TAF12: variants seen among roughly 807,000 people sequenced by gnomAD.
TAF12 encodes transcription initiation factor TFIID subunit 12.
Under a neutral mutation model 20.8 loss-of-function variants are expected in TAF12, and 3 were observed. The ratio of observed to expected loss-of-function variants is 0.14; its 90% confidence interval spans 0.07 to 0.37. The LOEUF is 0.37. Ranked by LOEUF, TAF12 falls within the 10% of genes least tolerant of loss-of-function variation. TAF12 has a pLI of 1.00. For missense variants in TAF12, 131 were observed against 197.9 expected (o/e 0.66, Z 2.03); for synonymous variants, 69 against 70.2 (o/e 0.98, Z 0.09).
At chr1:28,611,819 T>C (rs1347310905) in intron 4 of TAF12, among the ~76,000 whole-genome samples, 1 of 152,160 alleles carries the variant, frequency 6.6e-6, no homozygotes, top group Non-Finnish European at 1.5e-5. Flanking sequence ...CCTAGGAAAC[T>C]AGTATGCCTT....
At chr1:28,643,883 C>T (rs1668119544), upstream of TAF12, among the ~76,000 whole-genome samples, 1 of 152,008 alleles carries the variant, frequency 6.6e-6, no homozygotes, top group Non-Finnish European at 1.5e-5. Flanking sequence ...AACCCCGTCT[C>T]TACTAAAAAT....
chr1:28,645,185 G>A (rs1270890047), upstream of TAF12, among the ~76,000 whole-genome samples: 5 of 151,418 alleles, frequency 3.3e-5, no homozygotes, highest in Middle Eastern at 3.4e-3. Flanking sequence ...ACAGGCGCCC[G>A]CCACCGCGCC....
intron 4 of TAF12, among the ~76,000 whole-genome samples, chr1:28,608,762 A>G (rs1226114520): frequency 1.3e-5 from 2 of 151,724 alleles, no homozygotes; most frequent in African/African-American, 4.8e-5. Context: ...CTCAAAGTAA[A>G]TAAATAAATA....
upstream of TAF12, among the ~76,000 whole-genome samples, chr1:28,647,287 G>GT (rs920176326): frequency 3.0e-4 from 40 of 135,286 alleles, no homozygotes; most frequent in South Asian, 6.8e-4. Flanking sequence ...GTCACATATT[G>GT]TTTTTTTTTT....
At chr1:28,635,257 A>AAAC (rs1557473362) in intron 1 of TAF12, among the ~76,000 whole-genome samples, 2 of 147,016 alleles carry the variant, frequency 1.4e-5, no homozygotes, top group African/African-American at 5.1e-5. Context: ...AATAAAAAAA[A>AAAC]CCACATCTAT....
At chr1:28,627,211 A>AC (rs917749739) in intron 1 of TAF12, among the ~76,000 whole-genome samples, 11 of 151,382 alleles carry the variant, frequency 7.3e-5, no homozygotes, top group African/African-American at 2.4e-4. Context: ...ACATGGTGAA[A>AC]CCCCCATCTC....
intron 2 of TAF12, among the ~76,000 whole-genome samples, chr1:28,621,614 T>C (rs1667223894): frequency 6.6e-6 from 1 of 152,316 alleles, no homozygotes; most frequent in East Asian, 1.9e-4. Context: ...CACAACCACA[T>C]ACAATACAGT....
chr1:28,641,208 G>A (rs1000700119), intron 1 of TAF12, among the ~76,000 whole-genome samples: 9 of 152,038 alleles, frequency 5.9e-5, no homozygotes, highest in African/African-American at 2.2e-4. Context: ...TGGGCCGGGC[G>A]CAGTGGCTCA....
chr1:28,609,050 G>A, intron 4 of TAF12, among the ~76,000 whole-genome samples: 1 of 152,108 alleles, frequency 6.6e-6, no homozygotes, highest in Middle Eastern at 3.2e-3. Context: ...CGTTATGTGT[G>A]TATACATATA....
intron 1 of TAF12, chr1:28,624,070 T>C (rs1457281770): frequency 2.1e-6 from 2 of 960,434 alleles, no homozygotes; most frequent in East Asian, 1.2e-4. Flanking sequence ...ATCCTTGCCA[T>C]GGAACCATTT....
In TAF12 at chr1:28,625,652, C is replaced by T. The variant is rs1177050283; in HGVS notation, c.-84-3487G>A. Among the ~76,000 whole-genome samples, 3 of 151,710 alleles carry T rather than the reference C, an allele frequency of 2.0e-5. No individual in the cohort carries two copies. In the East Asian group the frequency reaches 5.8e-4, roughly 29 times the overall value. The stretch of plus-strand genomic sequence containing the variant: ...CGCCTCCTGGGTTCACGCCATTCTC[C>T]TGTCTCAGCCTCCCAAGTAGCTGGG... On this transcript the variant is annotated intron_variant, in intron 1 of 5. Transcript: ENST00000373824.
chr1:28,623,917 C>G, intron 1 of TAF12: 1 of 975,900 alleles, frequency 1.0e-6, no homozygotes. Flanking sequence ...TCACCAAGTT[C>G]TGCTCACAGT....
intron 3 of TAF12, 105 bp from the exon 4 acceptor site, chr1:28,613,466 T>C: frequency 1.1e-6 from 1 of 917,080 alleles, no homozygotes; most frequent in Non-Finnish European, 1.6e-6. Context: ...TCAGGCATTC[T>C]AGTAGAAGGC....
chr1:28,622,095 T>A lies in TAF12; in HGVS notation c.-14A>T. 1 of 1,608,868 alleles carries A rather than the reference T, an allele frequency of 6.2e-7. No homozygotes were observed. The highest frequency in any genetic ancestry group is 8.5e-7 in the Non-Finnish European group (1 of 1,178,610). ...AAACTGGTTCATAATCTGCCGAGCT[T>A]TGGACTTCAGCTCATAGAGCTTATC... On this transcript the variant is annotated 5_prime_UTR_variant, in exon 2 of 6. Transcript: ENST00000373824.
At chr1:28,629,480 C>T (rs139618475) in intron 1 of TAF12, among the ~76,000 whole-genome samples, 4 of 152,058 alleles carry the variant, frequency 2.6e-5, no homozygotes, top group African/African-American at 9.7e-5. Flanking sequence ...ATTACAGGCA[C>T]GTACTACCAC....
At chr1:28,642,709 G>A (rs939914467) in intron 1 of TAF12, 46 of 985,204 alleles carry the variant, frequency 4.7e-5, no homozygotes, top group Non-Finnish European at 5.4e-5. Flanking sequence ...TTCCTCGTAG[G>A]AGTGCGGGTC....
At chr1:28,638,787 A>ATT (rs759099050) in intron 1 of TAF12, among the ~76,000 whole-genome samples, 142 of 101,794 alleles carry the variant, frequency 1.4e-3, no homozygotes, top group Non-Finnish European at 1.7e-3. Flanking sequence ...CACCTGGCCT[A>ATT]TTTTTTTTTT....
At chr1:28,617,189 T>C (rs898869649) in intron 3 of TAF12, among the ~76,000 whole-genome samples, 36 of 152,166 alleles carry the variant, frequency 2.4e-4, no homozygotes, top group Admixed American at 1.9e-3. Flanking sequence ...CTTAGAAATA[T>C]AGAAGAATGT....
intron 5 of TAF12, 103 bp downstream of exon 5, chr1:28,605,269 T>C: frequency 8.4e-7 from 1 of 1,195,842 alleles, no homozygotes; most frequent in Admixed American, 1.8e-5. Flanking sequence ...GTTTGCTGTG[T>C]GGAGGAAGCG....
Sources: gnomAD v4.1 joint callset for allele counts (sites outside exome capture counted in the v4.1 genomes callset) on GRCh38, gnomAD v4.1.1 for gene constraint, MANE v1.5 for transcripts, NCBI Gene and HGNC (gene_info 2026-07-23, HGNC 2026-07-21) for gene names.